The following FBLN1 variants were observed in gnomAD, a reference collection of about 807,000 sequenced individuals.
FBLN1 encodes fibulin 1, also known as fibulin-1.
Under a neutral mutation model 89.7 loss-of-function variants are expected in FBLN1, and 34 were observed. The observed-to-expected ratio is 0.38, with a 90% confidence interval of 0.29 to 0.50. The LOEUF is 0.50. Ranked by LOEUF, FBLN1 falls within the 20% of genes least tolerant of loss-of-function variation. FBLN1 has a pLI of 0.92. For synonymous variants in FBLN1, 393 were observed against 391.3 expected, an observed-to-expected ratio of 1.00 and a Z score of -0.05; for missense variants, 777 against 988.1, an observed-to-expected ratio of 0.79 and a Z score of 2.86.
At chr22:45,552,200 G>T (rs1409434017) in intron 14 of FBLN1, among the ~76,000 whole-genome samples, 1 of 152,262 alleles carries the variant, frequency 6.6e-6, no homozygotes, top group South Asian at 2.1e-4. Context: ...AGGGAGGAGG[G>T]GACCCCACCT....
intron 1 of FBLN1, among the ~76,000 whole-genome samples, chr22:45,516,398 C>T (rs1004120480): frequency 1.3e-5 from 2 of 152,186 alleles, no homozygotes; most frequent in Admixed American, 6.5e-5. Flanking sequence ...GAGTGCACCA[C>T]GGCCTGTCTC....
rs529577242 is a variant in FBLN1 at position 45,506,273 on chromosome 22, C to T, written c.79+3209C>T. ...CAAGATGCCTCTGCACATTCTACTA[C>T]TACTGAATTTCCCAGCCAGGCGCTG... On this transcript the variant is annotated intron_variant, in intron 1 of 16. Transcript: ENST00000327858. 7.2e-5 allele frequency among the ~76,000 whole-genome samples: 11 copies of T among 152,306 alleles called. No individual in the cohort carries two copies. The South Asian group carries it at 8.3e-4, about 11-fold the overall frequency.
chr22:45,571,770 T>C (rs2088955098), intron 14 of FBLN1, among the ~76,000 whole-genome samples: 1 of 152,182 alleles, frequency 6.6e-6, no homozygotes, highest in South Asian at 2.1e-4. Flanking sequence ...CTAGAAACAA[T>C]GACCAACCCC....
In FBLN1 at chr22:45,550,645, C is replaced by T; in HGVS notation, c.1697+30C>T. ...GTCCCTTGGACCATGCCATCGTCGT[C>T]TGTCTGTGTTGGCCTTCCTGGTGAC... On this transcript the variant is annotated intron_variant, in intron 14 of 16. Coordinates refer to ENST00000327858, the MANE Select transcript of FBLN1 (RefSeq NM_006486.3). The surrounding 1 kb of genome is among the most constrained non-coding windows in gnomAD (Gnocchi z 8.4). The T allele has an allele frequency of 1.2e-6, 2 of 1,613,970 alleles. No homozygotes were observed. The highest frequency in any genetic ancestry group is 8.5e-7 in the Non-Finnish European group (1 of 1,180,026).
At chr22:45,519,769 G>A (rs539117058) in intron 2 of FBLN1, among the ~76,000 whole-genome samples, 8 of 152,290 alleles carry the variant, frequency 5.3e-5, no homozygotes, top group Middle Eastern at 3.4e-3. Context: ...GTCTGGCCCC[G>A]GGAAGGACAA....
At chr22:45,508,846 A>T (rs930129543) in intron 1 of FBLN1, among the ~76,000 whole-genome samples, 4 of 152,224 alleles carry the variant, frequency 2.6e-5, no homozygotes, top group Non-Finnish European at 5.9e-5. Flanking sequence ...AGGCAGAATG[A>T]GACAGTGTCT....
rs771788620 is a variant in FBLN1, at chr22:45,581,183, G to A, written c.1972+4075G>A. 9.2e-5 allele frequency among the ~76,000 whole-genome samples: 14 copies of A among 152,164 alleles called. No homozygotes were observed. The highest frequency in any genetic ancestry group is 1.8e-4 in the Non-Finnish European group (12 of 68,024). On this transcript the variant is annotated intron_variant, in intron 16 of 16. Transcript: ENST00000327858. The surrounding 1 kb of genome is among the most constrained non-coding windows in gnomAD (Gnocchi z 7.6). ...CAGGGGCGGGCTGTGTATCATCAGC[G>A]TGCGGAAGAGAGAGACAGAAAGGCA...
rs1365425402 is a variant in FBLN1 at position 45,531,005 on chromosome 22, C to A, written c.485-260C>A. 1.3e-5 allele frequency among the ~76,000 whole-genome samples: 2 copies of A among 152,104 alleles called. No individual in the cohort carries two copies. Among genetic ancestry groups the A allele is most frequent in the African/African-American group, 4.8e-5 (2 of 41,426 alleles). The stretch of plus-strand genomic sequence containing the variant: ...TCTTGAACTCCTGACCTCAGGTGAT[C>A]CGCCTGCCTCGGCCTCCCAAAGTGC... On this transcript the variant is annotated intron_variant, in intron 4 of 16. Coordinates refer to ENST00000327858, the MANE Select transcript of FBLN1 (RefSeq NM_006486.3). The surrounding 1 kb of genome is among the most constrained non-coding windows in gnomAD (Gnocchi z 4.9).
chr22:45,520,068 G>A (rs1423706338), intron 2 of FBLN1, among the ~76,000 whole-genome samples: 1 of 152,158 alleles, frequency 6.6e-6, no homozygotes, highest in Non-Finnish European at 1.5e-5. Context: ...TACTCGGGAG[G>A]CTGAGACAAG....
chr22:45,572,955 G>A lies in FBLN1; in HGVS notation c.1698-1556G>A, dbSNP rs986909348. Among the ~76,000 whole-genome samples, 19 of 152,224 alleles carry A rather than the reference G, an allele frequency of 1.2e-4. No homozygotes were observed. The highest frequency in any genetic ancestry group is 4.1e-4 in the South Asian group (2 of 4,830). On this transcript the variant is annotated intron_variant, in intron 14 of 16. Coordinates refer to ENST00000327858, the MANE Select transcript of FBLN1 (RefSeq NM_006486.3). The surrounding 1 kb of genome is among the most constrained non-coding windows in gnomAD (Gnocchi z 5.8). Reference sequence around the variant, plus strand: ...ATGGAAAATAAAGGAGGCCGGGCACGTTGGCTCACGCCTGTAATCCCAACA... The same window carrying A: ...ATGGAAAATAAAGGAGGCCGGGCACATTGGCTCACGCCTGTAATCCCAACA...
rs111526862 is a variant in FBLN1 at position 45,557,060 on chromosome 22, T to C, written c.1697+6445T>C. On this transcript the variant is annotated intron_variant, in intron 14 of 16. Coordinates refer to ENST00000327858, the MANE Select transcript of FBLN1 (RefSeq NM_006486.3). The surrounding 1 kb of genome is among the most constrained non-coding windows in gnomAD (Gnocchi z 4.9). ...TACTGTCACCTAGTTGGCATTGTAA[T>C]TGTGACTTCAAAAGGCCATTCCACT... Among the ~76,000 whole-genome samples, 2,295 of 152,260 alleles carry C rather than the reference T, an allele frequency of 0.015. 68 individuals carry two copies. Among genetic ancestry groups the C allele is most frequent in the African/African-American group, 0.05 (2,090 of 41,516 alleles).
In FBLN1 at chr22:45,533,722, T is replaced by C. The variant is rs201033702; in HGVS notation, c.647-39T>C. On this transcript the variant is annotated intron_variant, in intron 6 of 16. Transcript: ENST00000327858. ...TCTAGGATGTATTAGGATGGGTCGT[T>C]CTTGCTGGTCACCCCCGCACTGCCT... is the stretch of plus-strand genomic sequence containing the variant. The C allele has an allele frequency of 1.8e-4, 293 of 1,604,626 alleles. No individual in the cohort carries two copies. The African/African-American group carries it at 3.5e-3, about 19-fold the overall frequency.
At position 45,576,348 on chromosome 22, in the gene FBLN1, G is replaced by A. The variant is rs969496571; in HGVS notation, c.1841-629G>A. 6.6e-6 allele frequency among the ~76,000 whole-genome samples: 1 copy of A among 152,050 alleles called. No homozygotes were observed. Among genetic ancestry groups the A allele is most frequent in the African/African-American group, 2.4e-5 (1 of 41,386 alleles). Reference sequence around the variant, plus strand: ...CCGTTGGGACACCTGTTAGCATCTTGGGCCCAGGAAATCCACACCCTGACC... The same window carrying A: ...CCGTTGGGACACCTGTTAGCATCTTAGGCCCAGGAAATCCACACCCTGACC... On this transcript the variant is annotated intron_variant, in intron 15 of 16. Transcript: ENST00000327858. This position sits in a 1 kb window ranked among gnomAD's most constrained non-coding sequence, Gnocchi z 5.2.
chr22:45,572,212 G>T lies in FBLN1; in HGVS notation c.1698-2299G>T, dbSNP rs570404056. ...TTCTTGGAGAAATGGTTGATTCCAG[G>T]TCTTGGGCAGTAAAAGTGTAAAATG... On this transcript the variant is annotated intron_variant, in intron 14 of 16. Coordinates refer to ENST00000327858, the MANE Select transcript of FBLN1 (RefSeq NM_006486.3). The surrounding 1 kb of genome is among the most constrained non-coding windows in gnomAD (Gnocchi z 5.8). 6.6e-6 allele frequency among the ~76,000 whole-genome samples: 1 copy of T among 152,152 alleles called. No individual in the cohort carries two copies. Among genetic ancestry groups the T allele is most frequent in the African/African-American group, 2.4e-5 (1 of 41,434 alleles).
intron 1 of FBLN1, chr22:45,518,444 G>A: frequency 3.4e-6 from 2 of 583,696 alleles, no homozygotes; most frequent in Non-Finnish European, 6.3e-6. Flanking sequence ...CCCTGTCCAA[G>A]CTGGATTCAG....
At chr22:45,546,869 A>C (rs1054730911) in intron 11 of FBLN1, among the ~76,000 whole-genome samples, 2 of 152,002 alleles carry the variant, frequency 1.3e-5, no homozygotes, top group African/African-American at 4.8e-5. Flanking sequence ...CTGGCAGGAG[A>C]AGTTGTGGTC....
intron 14 of FBLN1, among the ~76,000 whole-genome samples, chr22:45,555,320 A>G (rs374441203): frequency 4.7e-5 from 7 of 150,280 alleles, no homozygotes; most frequent in Middle Eastern, 3.5e-3. Context: ...GAATATATAT[A>G]TAAAGTGGAG....
chr22:45,515,199 C>T (rs937220276), intron 1 of FBLN1, among the ~76,000 whole-genome samples: 1 of 152,166 alleles, frequency 6.6e-6, no homozygotes, highest in African/African-American at 2.4e-5. Flanking sequence ...TGATCGTCCA[C>T]CTCTTGGGTC....
intron 1 of FBLN1, among the ~76,000 whole-genome samples, chr22:45,517,044 T>G (rs1386060671): frequency 6.6e-6 from 1 of 152,242 alleles, no homozygotes; most frequent in East Asian, 1.9e-4. Context: ...GTGCTTACAG[T>G]GGCTGATGAC....
Sources: allele counts gnomAD v4.1 joint callset (sites outside exome capture counted in the v4.1 genomes callset), GRCh38; gene constraint gnomAD v4.1.1; non-coding constraint Gnocchi (gnomAD v3.1); transcripts MANE v1.5; gene names NCBI Gene and HGNC (gene_info 2026-07-23, HGNC 2026-07-21).